SCGB3A2: variants seen among roughly 807,000 people sequenced by gnomAD.
SCGB3A2 encodes the protein pneumo secretory protein 1.
A neutral mutation model predicts 7.7 loss-of-function variants in SCGB3A2; 5 were observed. The observed-to-expected ratio is 0.65, with a 90% CI of 0.34 to 1.36. The LOEUF (loss-of-function observed/expected upper bound fraction) is 1.36. Among genes scored for constraint, SCGB3A2 ranks in the 40% most tolerant of loss-of-function variants. The pLI, the probability that SCGB3A2 is intolerant of heterozygous loss-of-function variation, is 0.04. For missense variants in SCGB3A2, 109 were observed against 103.6 expected, an observed-to-expected ratio of 1.05 and a Z score of -0.23; for synonymous variants, 44 against 42.7, an observed-to-expected ratio of 1.03 and a Z score of -0.12.
chr5:147,881,725 CT>C (rs1757352249), intron 2 of SCGB3A2, 77 bp downstream of exon 2: 3 of 1,134,292 alleles, frequency 2.6e-6, no homozygotes, highest in Non-Finnish European at 3.8e-6. Flanking sequence ...CTTCTTGTCC[CT>C]TGTAAATGTG....
chr5:147,879,439 G>T (rs1265267225), intron 1 of SCGB3A2, among the ~76,000 whole-genome samples: 2 of 152,282 alleles, frequency 1.3e-5, no homozygotes, highest in African/African-American at 4.8e-5. Context: ...CATAAATATT[G>T]TTCTTAAGGT....
intron 1 of SCGB3A2, chr5:147,880,689 T>C (rs1392271567): frequency 2.0e-5 from 3 of 152,248 alleles, no homozygotes; most frequent in Non-Finnish European, 1.5e-5. Context: ...TGGAGCTTTG[T>C]CCATAATGTT....
chr5:147,879,989 G>C (rs929368081), intron 1 of SCGB3A2, among the ~76,000 whole-genome samples: 1 of 152,014 alleles, frequency 6.6e-6, no homozygotes, highest in African/African-American at 2.4e-5. Context: ...AATAAATACC[G>C]CCCCCTCTGG....
chr5:147,879,521 A>C (rs924501546), intron 1 of SCGB3A2, among the ~76,000 whole-genome samples: 3 of 152,240 alleles, frequency 2.0e-5, no homozygotes. Context: ...ACGTACTGTG[A>C]GATATCCAGA....
intron 2 of SCGB3A2, 131 bp downstream of exon 2, chr5:147,881,779 C>T: frequency 1.2e-6 from 1 of 805,122 alleles, no homozygotes; most frequent in Non-Finnish European, 2.0e-6. Context: ...GTTTGCACAT[C>T]CTGGAATCTC....
At chr5:147,880,037 T>A (rs2116806) in intron 1 of SCGB3A2, among the ~76,000 whole-genome samples, 28,586 of 151,962 alleles carry the variant, frequency 0.19, 3,142 homozygotes, top group Admixed American at 0.29. Context: ...ATTGAAAATT[T>A]AAAAAAATAT....
At chr5:147,880,575 A>G (rs1482642635) in intron 1 of SCGB3A2, among the ~76,000 whole-genome samples, 1 of 152,116 alleles carries the variant, frequency 6.6e-6, no homozygotes, top group Non-Finnish European at 1.5e-5. Context: ...TCTTTACCTT[A>G]TGATCCTGAC....
In SCGB3A2 at chr5:147,878,742, T is replaced by TG. The variant is rs577934971; in HGVS notation, c.-60dup. 3.0e-5 allele frequency: 39 copies of TG among 1,296,124 alleles called. No individual in the cohort carries two copies. In the East Asian group the frequency reaches 8.1e-4, roughly 27 times the overall value. 80.3% of individuals were successfully genotyped at this position (1,296,124 alleles called of 1,614,324 possible). On this transcript the variant is annotated 5_prime_UTR_variant, in exon 1 of 3. The change creates a premature stop within an existing upstream ORF in the 5' untranslated region. Transcript: ENST00000296694. Reference sequence around the variant, plus strand: ...TGTATGGCAAGTGGAACCACTGGCTTGGTGGATTTTGCTAGATTTTTCTGA... The same window carrying TG: ...TGTATGGCAAGTGGAACCACTGGCTTGGGTGGATTTTGCTAGATTTTTCTGA...
At chr5:147,881,949 C>A in intron 2 of SCGB3A2, 78 bp from the exon 3 acceptor site, 1 of 1,483,270 alleles carries the variant, frequency 6.7e-7, no homozygotes, top group Non-Finnish European at 9.4e-7. Context: ...CCAAACAGGA[C>A]ACTGGAAGTG....
chr5:147,881,155 G>T, intron 1 of SCGB3A2: 2 of 333,064 alleles, frequency 6.0e-6, no homozygotes, highest in Middle Eastern at 8.3e-4. Context: ...TTAGGTAATG[G>T]TAAGAAAAAA....
rs1757348384 is a variant in SCGB3A2 at position 147,881,554 on chromosome 5, C to T, written c.164C>T (p.Thr55Ile). The T allele has an allele frequency of 3.1e-6, 5 of 1,614,036 alleles. No individual in the cohort carries two copies. Among genetic ancestry groups the T allele is most frequent in the Non-Finnish European group, 4.2e-6 (5 of 1,179,926 alleles). Reference protein sequence around the residue: ...FMDPLKLLLKTLGISVEHLVE... With the variant: ...FMDPLKLLLKILGISVEHLVE... ...GATCCATTAAAGCTTCTTCTGAAAA[C>T]TCTGGGCATTTCTGTTGAGCACCTT... is the stretch of plus-strand genomic sequence containing the variant. The change falls in exon 2 of 3, where the codon ACT (threonine) becomes ATT (isoleucine). Residue 55 changes from threonine to isoleucine, a missense_variant. By Grantham distance (89) the Thr-to-Ile change is moderately conservative. Coordinates refer to ENST00000296694, the MANE Select transcript of SCGB3A2 (RefSeq NM_054023.5).
At position 147,882,142 on chromosome 5, in the gene SCGB3A2, G is replaced by C. The variant is rs1757358974; in HGVS notation, c.*92G>C. ...CTGTTCTACCAATTATAGATCAAAT[G>C]CCCTAAAATGTAGTGACCCGTGAAA... On this transcript the variant is annotated 3_prime_UTR_variant, in exon 3 of 3. Coordinates refer to ENST00000296694, the MANE Select transcript of SCGB3A2 (RefSeq NM_054023.5). The C allele has an allele frequency of 7.8e-7, 1 of 1,274,770 alleles. No homozygotes were observed. The highest frequency in any genetic ancestry group is 1.5e-5 in the African/African-American group (1 of 67,616). 79.0% of individuals were successfully genotyped at this position (1,274,770 alleles called of 1,614,324 possible). A position where few individuals can be genotyped will look rare whatever the true frequency, so the allele number is the denominator to read the frequency against.
At chr5:147,879,430 A>G (rs1399624243) in intron 1 of SCGB3A2, among the ~76,000 whole-genome samples, 2 of 152,252 alleles carry the variant, frequency 1.3e-5, no homozygotes. Context: ...TGAAGCAGTC[A>G]TAAATATTGT....
chr5:147,880,331 C>G (rs962158187), intron 1 of SCGB3A2, among the ~76,000 whole-genome samples: 4 of 152,176 alleles, frequency 2.6e-5, no homozygotes, highest in Non-Finnish European at 5.9e-5. Context: ...TAGCGCCCCA[C>G]TGCCCTCAGG....
At chr5:147,881,986 A>G (rs1342538319) in intron 2 of SCGB3A2, 41 bp from the exon 3 acceptor site, 2 of 1,608,034 alleles carry the variant, frequency 1.2e-6, no homozygotes, top group Non-Finnish European at 1.7e-6. Context: ...TGCGAATTAC[A>G]TGTAAGCTGC....
At chr5:147,879,100 G>A (rs1329983406) in intron 1 of SCGB3A2, among the ~76,000 whole-genome samples, 3 of 152,152 alleles carry the variant, frequency 2.0e-5, no homozygotes, top group Non-Finnish European at 4.4e-5. Context: ...CTAAGCTCTA[G>A]CCCAATATAA....
chr5:147,881,297 C>A, intron 1 of SCGB3A2, 149 bp from the exon 2 acceptor site: 2 of 654,264 alleles, frequency 3.1e-6, no homozygotes, highest in South Asian at 1.9e-5. Context: ...GATGGAACAG[C>A]AGGTGCAAAG....
chr5:147,878,850 G>C lies in SCGB3A2; in HGVS notation c.47G>C (p.Ser16Thr). The change falls in exon 1 of 3, where the codon AGT becomes ACT. Residue 16 changes from serine (S) to threonine (T), a missense_variant. Transcript: ENST00000296694. ...CTGCTGGTGACCATCAGCCTTTGTA[G>C]TTACTCTGGTAAGTAACTGGAATAC... is the stretch of plus-strand genomic sequence containing the variant. Reference protein sequence around the residue: ...IFLLVTISLCSYSATAFLINK... With the variant: ...IFLLVTISLCTYSATAFLINK... 5.6e-6 allele frequency: 9 copies of C among 1,608,118 alleles called. No homozygotes were observed. Among genetic ancestry groups the C allele is most frequent in the Non-Finnish European group, 7.7e-6 (9 of 1,174,632 alleles).
chr5:147,880,695 ATGT>A, intron 1 of SCGB3A2: 1 of 152,302 alleles, frequency 6.6e-6, no homozygotes, highest in East Asian at 1.9e-4. Context: ...TTTGTCCATA[ATGT>A]TAGCATAGCA....
Sources: gnomAD v4.1 joint callset for allele counts (sites outside exome capture counted in the v4.1 genomes callset) on GRCh38, gnomAD v4.1.1 for gene constraint, MANE v1.5 for transcripts, NCBI Gene and HGNC (gene_info 2026-07-23, HGNC 2026-07-21) for gene names.